STXBP4: variants seen among roughly 807,000 people sequenced by gnomAD.
STXBP4 encodes syntaxin-binding protein 4.
Under a neutral mutation model 76.1 loss-of-function variants are expected in STXBP4, and 55 were observed. The observed-to-expected ratio is 0.72, with a 90% CI of 0.58 to 0.91. The LOEUF (loss-of-function observed/expected upper bound fraction) is 0.91. STXBP4 is among the 40% of genes least tolerant of loss of function. The pLI is 0.00. For missense variants in STXBP4, 618 were observed against 636.9 expected, an observed-to-expected ratio of 0.97 and a Z score of 0.32; for synonymous variants, 201 against 220.2, an observed-to-expected ratio of 0.91 and a Z score of 0.77.
chr17:55,085,221 G>T (rs1395406629), intron 16 of STXBP4, among the ~76,000 whole-genome samples: 4 of 152,030 alleles, frequency 2.6e-5, no homozygotes, highest in Admixed American at 2.0e-4. Flanking sequence ...GGTGGGTGGA[G>T]GGGGGAGGGA....
At chr17:55,023,903 G>A (rs2078361673) in intron 8 of STXBP4, among the ~76,000 whole-genome samples, 1 of 135,194 alleles carries the variant, frequency 7.4e-6, no homozygotes, top group South Asian at 2.5e-4. Flanking sequence ...TGCAAGGGCT[G>A]GTGGCCCTTT....
chr17:55,054,111 G>A (rs2078894643), intron 12 of STXBP4, among the ~76,000 whole-genome samples: 1 of 151,994 alleles, frequency 6.6e-6, no homozygotes, highest in Non-Finnish European at 1.5e-5. Flanking sequence ...GTAATCTAAG[G>A]CTAATTTGTA....
intron 17 of STXBP4, among the ~76,000 whole-genome samples, chr17:55,157,451 T>C (rs747055375): frequency 2.3e-4 from 35 of 152,174 alleles, no homozygotes; most frequent in Non-Finnish European, 4.4e-4. Context: ...AATCAAATAC[T>C]TTAGTAAATT....
intron 12 of STXBP4, among the ~76,000 whole-genome samples, chr17:55,058,007 A>G (rs917350043): frequency 1.3e-5 from 2 of 152,186 alleles, no homozygotes; most frequent in Admixed American, 6.5e-5. Context: ...CAGTGCCACA[A>G]TAAACGTACT....
At chr17:55,057,110 G>A (rs914844912) in intron 12 of STXBP4, among the ~76,000 whole-genome samples, 1 of 152,108 alleles carries the variant, frequency 6.6e-6, no homozygotes, top group Non-Finnish European at 1.5e-5. Context: ...CTTGTAGTTT[G>A]TAGTTTAACT....
intron 13 of STXBP4, 45 bp downstream of exon 13, chr17:55,073,121 C>A: frequency 6.4e-7 from 1 of 1,572,598 alleles, no homozygotes; most frequent in Non-Finnish European, 8.7e-7. Context: ...GTTTCCTTGC[C>A]GTTGTCATGT....
intron 4 of STXBP4, among the ~76,000 whole-genome samples, chr17:54,994,838 T>G (rs957852431): frequency 7.2e-5 from 11 of 151,898 alleles, no homozygotes; most frequent in African/African-American, 2.7e-4. Flanking sequence ...TCTCATATGC[T>G]GTTCCCTTAG....
chr17:55,186,971 A>G, the STXBP4 span, among the ~76,000 whole-genome samples: 1 of 152,224 alleles, frequency 6.6e-6, no homozygotes, highest in Admixed American at 6.5e-5. Flanking sequence ...CTTCAAATCA[A>G]AAGGGACAAA....
At chr17:55,158,191 T>C (rs2080302001) in intron 17 of STXBP4, among the ~76,000 whole-genome samples, 1 of 152,160 alleles carries the variant, frequency 6.6e-6, no homozygotes, top group African/African-American at 2.4e-5. Context: ...GCCTCCCAAG[T>C]CAGTAACTGG....
At chr17:55,057,860 A>G (rs1015291177) in intron 12 of STXBP4, among the ~76,000 whole-genome samples, 3 of 152,242 alleles carry the variant, frequency 2.0e-5, no homozygotes, top group Non-Finnish European at 4.4e-5. Context: ...AGCTTCATCC[A>G]TGTATCTGCA....
At chr17:55,031,607 G>A (rs1258154469) in intron 9 of STXBP4, among the ~76,000 whole-genome samples, 3 of 151,970 alleles carry the variant, frequency 2.0e-5, no homozygotes, top group East Asian at 3.9e-4. Flanking sequence ...AGATTAATTC[G>A]AATCCTTTTT....
At chr17:55,063,435 G>A (rs1477555531) in intron 12 of STXBP4, among the ~76,000 whole-genome samples, 3 of 152,152 alleles carry the variant, frequency 2.0e-5, no homozygotes, top group Non-Finnish European at 4.4e-5. Flanking sequence ...GGTTGGCCTA[G>A]TTAGAACTGA....
At chr17:55,185,326 T>TCTCCTTCTCCTCCTCCTC in the STXBP4 span, among the ~76,000 whole-genome samples, 25 of 74,674 alleles carry the variant, frequency 3.3e-4, no homozygotes, top group South Asian at 5.6e-4. Context: ...TCCTTCTCCT[T>TCTCCTTCTCCTCCTCCTC]CTCCTCCTCC....
chr17:55,024,462 CA>C (rs1250748676), intron 8 of STXBP4, among the ~76,000 whole-genome samples: 3 of 152,158 alleles, frequency 2.0e-5, no homozygotes, highest in Admixed American at 6.5e-5. Flanking sequence ...TAGCAGGCAG[CA>C]AAACTTCTGA....
chr17:54,979,281 A>T (rs1432275363), intron 1 of STXBP4, among the ~76,000 whole-genome samples: 1 of 152,088 alleles, frequency 6.6e-6, no homozygotes, highest in Non-Finnish European at 1.5e-5. Flanking sequence ...CTTTTAAGGG[A>T]TATTTTACAA....
intron 17 of STXBP4, among the ~76,000 whole-genome samples, chr17:55,146,407 G>A (rs984552024): frequency 1.3e-5 from 2 of 152,116 alleles, no homozygotes; most frequent in African/African-American, 4.8e-5. Flanking sequence ...GCTAGGGCTG[G>A]GACTTCAAGA....
intron 11 of STXBP4, among the ~76,000 whole-genome samples, chr17:55,046,215 A>G (rs2078785115): frequency 6.6e-6 from 1 of 152,044 alleles, no homozygotes; most frequent in Admixed American, 6.6e-5. Context: ...GTGACTTCCC[A>G]GAACATAAAA....
chr17:55,193,396 C>T, the STXBP4 span, among the ~76,000 whole-genome samples: 1 of 152,100 alleles, frequency 6.6e-6, no homozygotes, highest in Non-Finnish European at 1.5e-5. Context: ...TGGTAGGATT[C>T]TTGAGCACAG....
chr17:55,024,106 C>T (rs187013161), intron 8 of STXBP4, among the ~76,000 whole-genome samples: 1 of 152,112 alleles, frequency 6.6e-6, no homozygotes, highest in Non-Finnish European at 1.5e-5. Context: ...CAGTGAGGTA[C>T]AATTGCCTAC....
Sources: allele counts gnomAD v4.1 joint callset (sites outside exome capture counted in the v4.1 genomes callset), GRCh38; gene constraint gnomAD v4.1.1; transcripts MANE v1.5; gene names NCBI Gene and HGNC (gene_info 2026-07-23, HGNC 2026-07-21).